The following ZBTB7C variants were observed in gnomAD, a reference collection of about 807,000 sequenced individuals.
ZBTB7C encodes the protein zinc finger and BTB domain-containing protein 7C.
Under a neutral mutation model 25.7 loss-of-function variants are expected in ZBTB7C, and 8 were observed. The ratio of observed to expected loss-of-function variants is 0.31; its 90% confidence interval spans 0.18 to 0.56. The LOEUF (loss-of-function observed/expected upper bound fraction) is 0.56. ZBTB7C is among the 20% of genes least tolerant of loss of function. The probability of loss-of-function intolerance (pLI) is 0.91; values close to 1 mark genes in which losing one functional copy is unlikely to be tolerated. For synonymous variants in ZBTB7C, 394 were observed against 369.0 expected (o/e 1.07, Z -0.78); for missense variants, 824 against 855.2 (o/e 0.96, Z 0.46).
intron 1 of ZBTB7C, among the ~76,000 whole-genome samples, chr18:48,382,923 G>A (rs557693285): frequency 6.6e-6 from 1 of 152,310 alleles, no homozygotes; most frequent in South Asian, 2.1e-4. Context: ...CCTGCAACTT[G>A]AAAAGTGTAA....
At chr18:48,148,438 T>G (rs1316092699) in intron 3 of ZBTB7C, 4 of 152,246 alleles carry the variant, frequency 2.6e-5, no homozygotes, top group Non-Finnish European at 5.9e-5. Flanking sequence ...TTGACTGGAA[T>G]GTCATATTTG....
chr18:48,249,179 T>C (rs1355417272), intron 2 of ZBTB7C, among the ~76,000 whole-genome samples: 4 of 152,240 alleles, frequency 2.6e-5, no homozygotes, highest in Non-Finnish European at 5.9e-5. Context: ...CTGTATTAAA[T>C]AATATTTTTG....
At chr18:48,319,282 A>G (rs541204357) in intron 2 of ZBTB7C, among the ~76,000 whole-genome samples, 6 of 152,248 alleles carry the variant, frequency 3.9e-5, no homozygotes, top group Admixed American at 3.3e-4. Flanking sequence ...AGCCACACAC[A>G]CTGTGTGGGT....
At chr18:48,227,473 C>G (rs977070803) in intron 2 of ZBTB7C, among the ~76,000 whole-genome samples, 1 of 152,240 alleles carries the variant, frequency 6.6e-6, no homozygotes, top group African/African-American at 2.4e-5. Flanking sequence ...TTACTTGGAA[C>G]GGCCTCCGCC....
At position 48,237,320 on chromosome 18, in the gene ZBTB7C, T is replaced by C. The variant is rs942033395; in HGVS notation, c.-78-51325A>G. Reference sequence around the variant, plus strand: ...TAAGGGCCCCATCAAGGAAGAACCATTGTGAGGAGAAGAATGGAGGCTGGG... The same window carrying C: ...TAAGGGCCCCATCAAGGAAGAACCACTGTGAGGAGAAGAATGGAGGCTGGG... On this transcript the variant is annotated intron_variant, in intron 2 of 4. Transcript: ENST00000590800. Among the ~76,000 whole-genome samples, 6 of 150,484 alleles carry C rather than the reference T, an allele frequency of 4.0e-5. No homozygotes were observed. In the East Asian group the frequency reaches 1.0e-3, roughly 25 times the overall value.
chr18:48,227,388 G>A (rs576274690), intron 2 of ZBTB7C, among the ~76,000 whole-genome samples: 4 of 152,336 alleles, frequency 2.6e-5, no homozygotes, highest in Admixed American at 6.5e-5. Context: ...CTGGGGGTTT[G>A]TGGCTGAGCA....
intron 2 of ZBTB7C, among the ~76,000 whole-genome samples, chr18:48,321,791 G>A (rs1437718262): frequency 6.6e-6 from 1 of 152,174 alleles, no homozygotes; most frequent in African/African-American, 2.4e-5. Flanking sequence ...GGTGCAGGCT[G>A]CGTGCCGATC....
At chr18:48,084,238 G>T (rs997439364) in intron 3 of ZBTB7C, among the ~76,000 whole-genome samples, 2 of 152,192 alleles carry the variant, frequency 1.3e-5, no homozygotes, top group African/African-American at 4.8e-5. Flanking sequence ...GAGGAAGGCG[G>T]GGCAGTGGGG....
chr18:48,306,849 C>T (rs1480930086), intron 2 of ZBTB7C, among the ~76,000 whole-genome samples: 1 of 152,146 alleles, frequency 6.6e-6, no homozygotes, highest in Non-Finnish European at 1.5e-5. Context: ...CAAGAATTAT[C>T]CCCAAAGGAA....
At chr18:48,239,097 A>T (rs1321141352) in intron 2 of ZBTB7C, among the ~76,000 whole-genome samples, 2 of 152,100 alleles carry the variant, frequency 1.3e-5, no homozygotes, top group Non-Finnish European at 2.9e-5. Flanking sequence ...GACAGCCATA[A>T]TCCCTCTGGA....
chr18:48,049,125 T>G (rs932315533), intron 3 of ZBTB7C, among the ~76,000 whole-genome samples: 9 of 152,168 alleles, frequency 5.9e-5, no homozygotes, highest in African/African-American at 2.2e-4. Context: ...CTCAACCTCT[T>G]GCATAAATAG....
chr18:48,226,659 T>C (rs1339387056), intron 2 of ZBTB7C, among the ~76,000 whole-genome samples: 1 of 152,194 alleles, frequency 6.6e-6, no homozygotes, highest in Non-Finnish European at 1.5e-5. Flanking sequence ...GAGCAGTACA[T>C]GTTCACTGAC....
intron 3 of ZBTB7C, among the ~76,000 whole-genome samples, chr18:48,156,163 G>A (rs1480963777): frequency 6.6e-6 from 1 of 152,162 alleles, no homozygotes; most frequent in Admixed American, 6.5e-5. Context: ...TAAAAAATAA[G>A]GAAGAAAAAT....
intron 3 of ZBTB7C, among the ~76,000 whole-genome samples, chr18:48,167,530 G>C (rs1393384292): frequency 1.5e-5 from 2 of 136,886 alleles, no homozygotes. Flanking sequence ...TTACCTATTT[G>C]GAAATGTTAA....
intron 2 of ZBTB7C, among the ~76,000 whole-genome samples, chr18:48,211,820 CA>C (rs1353234998): frequency 6.6e-6 from 1 of 152,118 alleles, no homozygotes; most frequent in Admixed American, 6.5e-5. Context: ...CCATATGATC[CA>C]GTGATCACAT....
In ZBTB7C at chr18:48,203,175, C is replaced by T. The variant is rs1250370505; in HGVS notation, c.-78-17180G>A. ...TTTTCTGCCCGGGGCCTCACTCAGT[C>T]TCCCTCTTTCCACCCTTTCCCAGCA... is the stretch of plus-strand genomic sequence containing the variant. On this transcript the variant is annotated intron_variant, in intron 2 of 4. Transcript: ENST00000590800. Among the ~76,000 whole-genome samples, 3 of 152,290 alleles carry T rather than the reference C, an allele frequency of 2.0e-5. No individual in the cohort carries two copies. In the South Asian group the frequency reaches 6.2e-4, roughly 32 times the overall value.
chr18:48,061,391 G>A (rs1008969397), intron 3 of ZBTB7C, among the ~76,000 whole-genome samples: 6 of 152,080 alleles, frequency 3.9e-5, no homozygotes, highest in African/African-American at 9.7e-5. Flanking sequence ...GCTTGGCCTC[G>A]TCTTTCCTTT....
chr18:48,079,475 C>T (rs1332117721), intron 3 of ZBTB7C, among the ~76,000 whole-genome samples: 1 of 152,214 alleles, frequency 6.6e-6, no homozygotes, highest in Non-Finnish European at 1.5e-5. Flanking sequence ...AATAAATGGG[C>T]CCAGGGTCCA....
chr18:48,287,096 C>G (rs2045080472), intron 2 of ZBTB7C, among the ~76,000 whole-genome samples: 1 of 152,088 alleles, frequency 6.6e-6, no homozygotes, highest in African/African-American at 2.4e-5. Context: ...GTTCTCTGAT[C>G]TTAGTGTAAT....
Sources: allele counts gnomAD v4.1 joint callset (sites outside exome capture counted in the v4.1 genomes callset), GRCh38; gene constraint gnomAD v4.1.1; transcripts MANE v1.5; gene names NCBI Gene and HGNC (gene_info 2026-07-23, HGNC 2026-07-21).